The following XKR9 variants were observed in gnomAD, a reference collection of about 807,000 sequenced individuals.
The protein encoded by XKR9 is XK-related protein 9.
A neutral mutation model predicts 32.0 loss-of-function variants in XKR9; 32 were observed. The observed-to-expected ratio is 1.00, with a 90% CI of 0.76 to 1.34. The LOEUF is 1.34. XKR9 is among the 40% of genes most tolerant of loss of function. The probability of loss-of-function intolerance (pLI) is 0.00; values close to 1 mark genes in which losing one functional copy is unlikely to be tolerated. For missense variants in XKR9, 546 were observed against 429.7 expected (o/e 1.27, Z -2.39); for synonymous variants, 168 against 143.4 (o/e 1.17, Z -1.22).
chr8:70,878,134 T>A, the XKR9 span, among the ~76,000 whole-genome samples: 1 of 152,300 alleles, frequency 6.6e-6, no homozygotes, highest in East Asian at 1.9e-4. Context: ...CCACCAGGCC[T>A]GCCTTACAGG....
intron 4 of XKR9, among the ~76,000 whole-genome samples, chr8:70,731,701 T>A (rs1045882312): frequency 6.6e-6 from 1 of 152,168 alleles, no homozygotes; most frequent in African/African-American, 2.4e-5. Context: ...TAATTCACAA[T>A]GGGTGATCTC....
the XKR9 span, among the ~76,000 whole-genome samples, chr8:70,814,422 C>T: frequency 2.2e-4 from 34 of 151,436 alleles, 2 homozygotes; most frequent in South Asian, 7.1e-3. Flanking sequence ...TGCACATGTA[C>T]CCTAAAACTT....
chr8:71,037,654 A>G, the XKR9 span, among the ~76,000 whole-genome samples: 1 of 152,228 alleles, frequency 6.6e-6, no homozygotes, highest in Non-Finnish European at 1.5e-5. Flanking sequence ...TCCTTAAGAG[A>G]GCACTGGACA....
chr8:70,889,156 A>C, the XKR9 span, among the ~76,000 whole-genome samples: 2 of 149,030 alleles, frequency 1.3e-5, no homozygotes, highest in African/African-American at 4.9e-5. Flanking sequence ...TGTTGTCAAG[A>C]TCTTTCACCT....
the XKR9 span, among the ~76,000 whole-genome samples, chr8:70,812,525 T>C: frequency 3.3e-5 from 5 of 152,198 alleles, no homozygotes; most frequent in Non-Finnish European, 5.9e-5. Context: ...GATGACATGA[T>C]TGTATATCTA....
chr8:70,909,736 T>A, the XKR9 span, among the ~76,000 whole-genome samples: 2 of 119,596 alleles, frequency 1.7e-5, no homozygotes, highest in Middle Eastern at 6.4e-3. Flanking sequence ...TTTAACAGAG[T>A]CTCACTCTGT....
the XKR9 span, among the ~76,000 whole-genome samples, chr8:71,025,511 T>G: frequency 6.6e-6 from 1 of 152,224 alleles, no homozygotes; most frequent in African/African-American, 2.4e-5. Context: ...CTATTGTCTG[T>G]GCAATAAAAC....
the XKR9 span, among the ~76,000 whole-genome samples, chr8:70,979,043 T>A: frequency 6.6e-6 from 1 of 152,246 alleles, no homozygotes; most frequent in East Asian, 1.9e-4. Flanking sequence ...CTGAAGGTTG[T>A]ACATGCATCG....
At chr8:70,843,185 G>T in the XKR9 span, among the ~76,000 whole-genome samples, 3 of 152,178 alleles carry the variant, frequency 2.0e-5, no homozygotes, top group Non-Finnish European at 4.4e-5. Context: ...ATGTAACCTG[G>T]ATTTGGTATA....
the XKR9 span, among the ~76,000 whole-genome samples, chr8:70,994,648 G>A: frequency 3.3e-5 from 5 of 151,040 alleles, no homozygotes; most frequent in African/African-American, 1.2e-4. Flanking sequence ...GAGGTTCTTG[G>A]CCATTATTAC....
the XKR9 span, among the ~76,000 whole-genome samples, chr8:71,042,308 C>T: frequency 6.6e-6 from 1 of 152,082 alleles, no homozygotes; most frequent in Non-Finnish European, 1.5e-5. Context: ...AGAGAAGGAA[C>T]AGTTGCCAGG....
the XKR9 span, among the ~76,000 whole-genome samples, chr8:70,934,037 G>C: frequency 6.6e-6 from 1 of 151,804 alleles, no homozygotes; most frequent in African/African-American, 2.4e-5. Flanking sequence ...AAGTGAAGGG[G>C]AAAAAGAGAA....
chr8:70,838,189 AC>A, the XKR9 span, among the ~76,000 whole-genome samples: 4 of 152,120 alleles, frequency 2.6e-5, no homozygotes, highest in African/African-American at 7.2e-5. Context: ...TAACAGATTT[AC>A]TAAGTCCTTA....
the XKR9 span, among the ~76,000 whole-genome samples, chr8:70,945,836 C>A: frequency 6.6e-6 from 1 of 152,142 alleles, no homozygotes; most frequent in Admixed American, 6.5e-5. Flanking sequence ...GACTTACTAC[C>A]ATTGAAAAAG....
At chr8:70,919,549 C>T in the XKR9 span, among the ~76,000 whole-genome samples, 3 of 152,246 alleles carry the variant, frequency 2.0e-5, no homozygotes, top group African/African-American at 4.8e-5. Context: ...TCCAGGATAG[C>T]GCTTTAACAA....
At chr8:70,718,698 C>A (rs1806173465) in intron 4 of XKR9, among the ~76,000 whole-genome samples, 1 of 152,184 alleles carries the variant, frequency 6.6e-6, no homozygotes, top group Non-Finnish European at 1.5e-5. Flanking sequence ...ATATGGGCCA[C>A]ATTTTCTTTA....
At chr8:70,801,938 C>CA in the XKR9 span, among the ~76,000 whole-genome samples, 1 of 142,508 alleles carries the variant, frequency 7.0e-6, no homozygotes, top group Non-Finnish European at 1.5e-5. Flanking sequence ...CTTTTTCTTT[C>CA]TTTTTTTTTT....
intron 3 of XKR9, among the ~76,000 whole-genome samples, chr8:70,683,837 A>G (rs886190378): frequency 1.3e-5 from 2 of 152,154 alleles, no homozygotes; most frequent in Non-Finnish European, 2.9e-5. Context: ...TTAGAATTTC[A>G]TCTATTGACG....
the XKR9 span, among the ~76,000 whole-genome samples, chr8:70,929,982 C>T: frequency 6.6e-6 from 1 of 152,172 alleles, no homozygotes; most frequent in African/African-American, 2.4e-5. Flanking sequence ...GTCACAGGCA[C>T]CTTCTTCAGA....
Sources: allele counts gnomAD v4.1 joint callset (sites outside exome capture counted in the v4.1 genomes callset), GRCh38; gene constraint gnomAD v4.1.1; transcripts MANE v1.5; gene names NCBI Gene and HGNC (gene_info 2026-07-23, HGNC 2026-07-21).